ETNK1: variants seen among roughly 807,000 people sequenced by gnomAD.
The protein encoded by ETNK1 is putative protein product of Nbla10396.
In ETNK1, 8 loss-of-function variants were observed where a neutral mutation model predicts 45.1. That is an observed-to-expected ratio of 0.18 (90% CI 0.10 to 0.32). The LOEUF (loss-of-function observed/expected upper bound fraction) is 0.32, where lower values mean the gene tolerates loss of function less well. ETNK1 is among the 10% of genes least tolerant of loss of function. The probability of loss-of-function intolerance (pLI) is 1.00; values close to 1 mark genes in which losing one functional copy is unlikely to be tolerated. For synonymous variants in ETNK1, 152 were observed against 151.9 expected, an observed-to-expected ratio of 1.00 and a Z score of -0.01; for missense variants, 302 against 430.6, an observed-to-expected ratio of 0.70 and a Z score of 2.64.
At position 22,625,374 on chromosome 12, in the gene ETNK1, G is replaced by C; in HGVS notation, c.-57G>C. The C allele has an allele frequency of 6.4e-7, 1 of 1,568,660 alleles. No individual in the cohort carries two copies. The highest frequency in any genetic ancestry group is 1.2e-5 in the South Asian group (1 of 86,938). ...ATCCACCAGTCTGTCGGCGCCCGCC[G>C]TTCTCGTGGTCGCCGTCGCCGTCGT... is the stretch of plus-strand genomic sequence containing the variant. On this transcript the variant is annotated 5_prime_UTR_variant, in exon 1 of 8. Coordinates refer to ENST00000266517, the MANE Select transcript of ETNK1 (RefSeq NM_018638.5).
At chr12:22,671,565 G>A (rs1273759907) in intron 5 of ETNK1, among the ~76,000 whole-genome samples, 2 of 152,090 alleles carry the variant, frequency 1.3e-5, no homozygotes, top group Admixed American at 1.3e-4. Context: ...GTGGCCGGGC[G>A]CGGTGGCTCA....
rs182116816 is a variant in ETNK1, at chr12:22,627,378, A to G, written c.156+1792A>G. On this transcript the variant is annotated intron_variant, in intron 1 of 7. Transcript: ENST00000266517. ...TATAATCCGAATTTTTAATATTTGT[A>G]AGTGCAGGTAAATACTACCATTTAT... is the stretch of plus-strand genomic sequence containing the variant. 4.6e-5 allele frequency among the ~76,000 whole-genome samples: 7 copies of G among 152,292 alleles called. No individual in the cohort carries two copies. In the East Asian group the frequency reaches 1.3e-3, roughly 29 times the overall value.
At chr12:22,657,436 CA>C (rs1158866347) in intron 2 of ETNK1, among the ~76,000 whole-genome samples, 2 of 151,778 alleles carry the variant, frequency 1.3e-5, no homozygotes, top group Admixed American at 1.3e-4. Context: ...ATACTGAGTT[CA>C]AACATGGGGT....
chr12:22,649,698 C>G (rs934096825), intron 2 of ETNK1, among the ~76,000 whole-genome samples: 7 of 151,952 alleles, frequency 4.6e-5, no homozygotes, highest in African/African-American at 1.4e-4. Context: ...TATTCTGGGC[C>G]TTTTGCTTCT....
At chr12:22,655,710 C>T (rs145535259) in intron 2 of ETNK1, among the ~76,000 whole-genome samples, 2 of 152,108 alleles carry the variant, frequency 1.3e-5, no homozygotes, top group Non-Finnish European at 2.9e-5. Context: ...TTAAATAGAT[C>T]AAATTTTTTG....
intron 2 of ETNK1, among the ~76,000 whole-genome samples, chr12:22,647,436 A>C (rs1387168054): frequency 6.6e-6 from 1 of 151,904 alleles, no homozygotes; most frequent in Non-Finnish European, 1.5e-5. Flanking sequence ...ACTCAAAAGA[A>C]AGTTATATGC....
At chr12:22,662,221 C>T (rs1954008807) in intron 4 of ETNK1, among the ~76,000 whole-genome samples, 1 of 150,324 alleles carries the variant, frequency 6.7e-6, no homozygotes, top group South Asian at 2.1e-4. Flanking sequence ...GTGCACATCA[C>T]CATGCCCGGC....
intron 1 of ETNK1, among the ~76,000 whole-genome samples, chr12:22,641,626 A>G (rs983405550): frequency 6.6e-6 from 1 of 152,180 alleles, no homozygotes; most frequent in Non-Finnish European, 1.5e-5. Context: ...CATTGCTGTA[A>G]AACTACAAGT....
At chr12:22,639,044 G>GT (rs1432311703) in intron 1 of ETNK1, 2 of 151,906 alleles carry the variant, frequency 1.3e-5, no homozygotes, top group Non-Finnish European at 1.5e-5. Context: ...ATACGTATTT[G>GT]TTTGAGTTAG....
intron 6 of ETNK1, among the ~76,000 whole-genome samples, chr12:22,674,855 C>T (rs764563345): frequency 1.3e-5 from 2 of 152,082 alleles, no homozygotes; most frequent in African/African-American, 4.8e-5. Context: ...TTGAAAAATA[C>T]CTTTGCTTCT....
chr12:22,631,195 A>G (rs569725429), intron 1 of ETNK1, among the ~76,000 whole-genome samples: 4 of 146,746 alleles, frequency 2.7e-5, no homozygotes, highest in African/African-American at 1.0e-4. Flanking sequence ...TTTTTTTGAG[A>G]TGGAGTTTCG....
chr12:22,661,036 A>C (rs61921420), intron 3 of ETNK1, 27 bp from the exon 4 acceptor site: 1 of 1,590,798 alleles, frequency 6.3e-7, no homozygotes, highest in Non-Finnish European at 8.5e-7. Context: ...GTCACACAAG[A>C]TATAACTCTT....
intron 1 of ETNK1, among the ~76,000 whole-genome samples, chr12:22,631,793 TAGA>T (rs1592110262): frequency 6.6e-6 from 1 of 152,188 alleles, no homozygotes; most frequent in Non-Finnish European, 1.5e-5. Flanking sequence ...AGGGAAGTAG[TAGA>T]AGACCTTTAA....
rs988489248 is a variant in ETNK1, at chr12:22,685,240, ATTAT to A, written c.*292_*295del. Reference sequence around the variant, plus strand: ...ATAATTTAACCTATGTTGTATGTGAATTATTTATTATAAACTTAGCACGATTCTG... The same window carrying A: ...ATAATTTAACCTATGTTGTATGTGAATTATTATAAACTTAGCACGATTCTG... On this transcript the variant is annotated 3_prime_UTR_variant, in exon 8 of 8. Coordinates refer to ENST00000266517, the MANE Select transcript of ETNK1 (RefSeq NM_018638.5). The A allele has an allele frequency of 1.7e-5, 4 of 241,542 alleles. No homozygotes were observed. The highest frequency in any genetic ancestry group is 3.2e-5 in the Non-Finnish European group (4 of 125,616). The allele number at this position is 241,542 out of a possible 1,614,324, so 15.0% of individuals were successfully genotyped here.
intron 6 of ETNK1, among the ~76,000 whole-genome samples, chr12:22,683,462 T>A (rs545856438): frequency 3.2e-4 from 49 of 151,990 alleles, no homozygotes; most frequent in Non-Finnish European, 4.9e-4. Flanking sequence ...GGTTGAAAAA[T>A]TTTTTTTACA....
At chr12:22,626,867 ATG>A (rs1288680845) in intron 1 of ETNK1, among the ~76,000 whole-genome samples, 4 of 152,238 alleles carry the variant, frequency 2.6e-5, no homozygotes, top group Non-Finnish European at 4.4e-5. Flanking sequence ...TTTAAAGGAA[ATG>A]TGTCTTCCAA....
intron 1 of ETNK1, 53 bp downstream of exon 1, chr12:22,625,639 G>A (rs1012965666): frequency 7.9e-6 from 12 of 1,517,886 alleles, no homozygotes; most frequent in Non-Finnish European, 9.7e-6. Context: ...GCGGCTCTGG[G>A]GGTCCTCACC....
chr12:22,677,381 G>A lies in ETNK1; in HGVS notation c.945+3721G>A, dbSNP rs145118645. On this transcript the variant is annotated intron_variant, in intron 6 of 7. Coordinates refer to ENST00000266517, the MANE Select transcript of ETNK1 (RefSeq NM_018638.5). Reference sequence around the variant, plus strand: ...TCCATTGATCTATATATCTGTTTTGGTACCAGTACCATGCTGTTTTGATTA... The same window carrying A: ...TCCATTGATCTATATATCTGTTTTGATACCAGTACCATGCTGTTTTGATTA... 4.4e-3 allele frequency among the ~76,000 whole-genome samples: 673 copies of A among 152,182 alleles called. 5 individuals are homozygous for A. The highest frequency in any genetic ancestry group is 7.4e-3 in the Non-Finnish European group (500 of 68,002).
intron 1 of ETNK1, among the ~76,000 whole-genome samples, chr12:22,630,991 A>G (rs2137514861): frequency 6.6e-6 from 1 of 152,252 alleles, no homozygotes; most frequent in Admixed American, 6.5e-5. Context: ...GTTTGAGGGA[A>G]ATGTTTTAAA....
Sources: gnomAD v4.1 joint callset for allele counts (sites outside exome capture counted in the v4.1 genomes callset) on GRCh38, gnomAD v4.1.1 for gene constraint, MANE v1.5 for transcripts, NCBI Gene and HGNC (gene_info 2026-07-23, HGNC 2026-07-21) for gene names.